The following ABCB9 variants were observed in gnomAD, a reference collection of about 807,000 sequenced individuals.
ABCB9 encodes the protein ATP binding cassette subfamily B member 9, also known as ABC-type oligopeptide transporter ABCB9.
Under a neutral mutation model 62.0 loss-of-function variants are expected in ABCB9, and 36 were observed. The ratio of observed to expected loss-of-function variants is 0.58; its 90% CI spans 0.45 to 0.77. ABCB9 has a LOEUF of 0.77. ABCB9 is among the 30% of genes least tolerant of loss of function. ABCB9 has a pLI of 0.00. For missense variants in ABCB9, 943 were observed against 1,054.7 expected, an observed-to-expected ratio of 0.89 and a Z score of 1.47; for synonymous variants, 435 against 461.4, an observed-to-expected ratio of 0.94 and a Z score of 0.73.
At position 122,942,634 on chromosome 12, in the gene ABCB9, A is replaced by C. The variant is rs963815007; in HGVS notation, c.1381-1639T>G. On this transcript the variant is annotated intron_variant, in intron 7 of 11. Transcript: ENST00000280560. ...ACTCCATCTCAAAAAAAAAAAAAAA[A>C]AAAACCTAAAAAGAAAAACATTAGC... is the stretch of plus-strand genomic sequence containing the variant. Among the ~76,000 whole-genome samples the C allele has an allele frequency of 4.7e-4, 72 of 151,612 alleles. No individual in the cohort carries two copies. The Middle Eastern group carries it at 0.01, about 21-fold the overall frequency.
In ABCB9 at chr12:122,959,309, G is replaced by A. The variant is rs1400947169; in HGVS notation, c.601+326C>T. Among the ~76,000 whole-genome samples, 1 of 151,896 alleles carries A rather than the reference G, an allele frequency of 6.6e-6. No individual in the cohort carries two copies. The highest frequency in any genetic ancestry group is 2.4e-5 in the African/African-American group (1 of 41,414). ...AGAGGTTGCAGTGACCTGAGATTGT[G>A]CCACTGCACTCTAGCCTAGGTGACA... On this transcript the variant is annotated intron_variant, in intron 2 of 11. Transcript: ENST00000280560. The surrounding 1 kb of genome is among the most constrained non-coding windows in gnomAD (Gnocchi z 5.4).
At chr12:122,924,846 A>G, downstream of ABCB9, 2 of 1,533,090 alleles carry the variant, frequency 1.3e-6, no homozygotes, top group South Asian at 1.2e-5. Context: ...GACATTTGCT[A>G]AATTAATTGT....
Position 122,948,823 on chromosome 12 carries a change from A to G in ABCB9, c.854T>C (p.Leu285Pro), listed in dbSNP as rs1237502779. Residue 285 changes from leucine (L) to proline (P), a missense_variant, in exon 5 of 12, where the codon CTC (leucine) becomes CCC (proline). Leu to Pro is a moderately conservative substitution (Grantham distance 98, BLOSUM62 -3). Coordinates refer to ENST00000280560, the MANE Select transcript of ABCB9 (RefSeq NM_019625.4). ...SFFDENRTGD[L>P]ISRLTSDTTM... Reference sequence around the variant, plus strand: ...GGTGTCCGAGGTCAGGCGGGAGATGAGGTCCCCTGGAACACACGCGGCTCA... The same window carrying G: ...GGTGTCCGAGGTCAGGCGGGAGATGGGGTCCCCTGGAACACACGCGGCTCA... 2 of 1,563,630 alleles carry G rather than the reference A, an allele frequency of 1.3e-6. No homozygotes were observed. The highest frequency in any genetic ancestry group is 1.7e-6 in the Non-Finnish European group (2 of 1,155,066).
At chr12:122,973,605 A>C (rs1426272458) in intron 1 of ABCB9, among the ~76,000 whole-genome samples, 11 of 142,892 alleles carry the variant, frequency 7.7e-5, no homozygotes, top group Admixed American at 1.4e-4. Flanking sequence ...AAAAAAAAAA[A>C]AAAACAAAAA....
At chr12:122,936,251 C>T (rs1399909976) in intron 9 of ABCB9, among the ~76,000 whole-genome samples, 2 of 151,922 alleles carry the variant, frequency 1.3e-5, no homozygotes, top group Non-Finnish European at 2.9e-5. Context: ...AAATTATAAA[C>T]GTGTACCTTC....
At chr12:122,974,854 C>G (rs929564920) in exon 1 of ABCB9, 1 of 166,758 alleles carries the variant, frequency 6.0e-6, no homozygotes, top group Non-Finnish European at 1.3e-5. Context: ...GTCGGACCTC[C>G]GAGCTCTTTA....
intron 2 of ABCB9, chr12:122,952,856 G>A (rs2036430090): frequency 6.6e-6 from 1 of 152,242 alleles, no homozygotes; most frequent in Non-Finnish European, 1.5e-5. Context: ...CCTGGTCCAA[G>A]TCATTAACCT....
At chr12:122,974,249 C>T (rs1329436284) in intron 1 of ABCB9, among the ~76,000 whole-genome samples, 1 of 152,054 alleles carries the variant, frequency 6.6e-6, no homozygotes, top group Non-Finnish European at 1.5e-5. Context: ...GGATCCTTTC[C>T]TAGATAGCAG....
intron 2 of ABCB9, among the ~76,000 whole-genome samples, chr12:122,951,241 T>A (rs556762135): frequency 7.1e-4 from 79 of 112,036 alleles, no homozygotes; most frequent in African/African-American, 2.6e-3. Flanking sequence ...AATATTTTCC[T>A]TTTTTTTTTT....
intron 7 of ABCB9, among the ~76,000 whole-genome samples, chr12:122,942,532 T>C (rs1169032954): frequency 6.8e-6 from 1 of 147,092 alleles, no homozygotes; most frequent in Non-Finnish European, 1.5e-5. Flanking sequence ...GGCAGGAGAA[T>C]AGCTTGAACC....
intron 1 of ABCB9, among the ~76,000 whole-genome samples, chr12:122,974,043 T>C (rs527592160): frequency 6.6e-6 from 1 of 151,332 alleles, no homozygotes; most frequent in Admixed American, 6.6e-5. Flanking sequence ...TCTCAAAAAG[T>C]AAATAAACAA....
Position 122,929,457 on chromosome 12 carries a change from A to C in ABCB9, c.*454T>G. On this transcript the variant is annotated 3_prime_UTR_variant, in exon 12 of 12. Transcript: ENST00000280560. This position sits in a 1 kb window ranked among gnomAD's most constrained non-coding sequence, Gnocchi z 6.0. ...AGGGAAGCCCCTTCTCTGGAGGGGT[A>C]AAGGGGAGAGGCCTAGTCTCTGGAC... is the stretch of plus-strand genomic sequence containing the variant. The C allele has an allele frequency of 2.0e-6, 2 of 988,074 alleles. No homozygotes were observed. Among genetic ancestry groups the C allele is most frequent in the Non-Finnish European group, 2.4e-6 (2 of 831,528 alleles). The allele number at this position is 988,074 out of a possible 1,614,324, so 61.2% of individuals were successfully genotyped here.
exon 1 of ABCB9, chr12:122,975,046 G>A (rs2037366451): frequency 2.2e-6 from 1 of 464,766 alleles, no homozygotes; most frequent in Admixed American, 3.6e-5. Context: ...TGGGAAAACT[G>A]GGAGGCGGAA....
rs937305428 is a variant in ABCB9, at chr12:122,946,407, C to T, written c.1054-185G>A. On this transcript the variant is annotated intron_variant, in intron 5 of 11. Coordinates refer to ENST00000280560, the MANE Select transcript of ABCB9 (RefSeq NM_019625.4). ...TCCCCTTCTGGCTCAATTTGACACA[C>T]TCAGGTAGTCAACTCCAGAGAGGCT... 4.8e-6 allele frequency: 3 copies of T among 624,414 alleles called. No homozygotes were observed. The African/African-American group carries it at 5.5e-5, about 11-fold the overall frequency. 38.7% of individuals were successfully genotyped at this position (624,414 alleles called of 1,614,324 possible). A position where few individuals can be genotyped will look rare whatever the true frequency, so the allele number is the denominator to read the frequency against.
At chr12:122,935,632 A>T (rs934568080) in intron 9 of ABCB9, among the ~76,000 whole-genome samples, 1 of 152,130 alleles carries the variant, frequency 6.6e-6, no homozygotes, top group Non-Finnish European at 1.5e-5. Context: ...AGCCTCCCCT[A>T]ATCAGCAAAC....
In ABCB9 at chr12:122,975,090, G is replaced by A. The variant is rs2037367928; in HGVS notation, c.-463C>T. 2.2e-5 allele frequency: 11 copies of A among 494,836 alleles called. No individual in the cohort carries two copies. In the South Asian group the frequency reaches 3.5e-4, roughly 16 times the overall value. The allele number at this position is 494,836 out of a possible 1,614,324, so 30.7% of individuals were successfully genotyped here. The stretch of plus-strand genomic sequence containing the variant: ...CCGCCGGTCCCAACCCGGCCCAGGA[G>A]CATCTTTCTCCGCAGACCGTTTCCT... On this transcript the variant is annotated 5_prime_UTR_variant, in exon 1 of 12. Transcript: ENST00000392439.
chr12:122,972,591 G>A (rs1360763062), intron 1 of ABCB9, among the ~76,000 whole-genome samples: 2 of 151,800 alleles, frequency 1.3e-5, no homozygotes, highest in Non-Finnish European at 2.9e-5. Flanking sequence ...GCTCACTGCA[G>A]CCTCCGCCTC....
At position 122,930,169 on chromosome 12, in the gene ABCB9, G is replaced by A; in HGVS notation, c.2043C>T (p.Ile681=). ...GCAGGTTGCCATGGATGGCCTGCTG[G>A]ATCTGCGGGGACAGTGGGGGCCTGG... ...SALDAESEYL[I]QQAIHGNLQK... The change falls in exon 12 of 12, where the codon ATC becomes ATT. Residue 681 remains isoleucine, a splice_region_variant and synonymous_variant. Coordinates refer to ENST00000280560, the MANE Select transcript of ABCB9 (RefSeq NM_019625.4). This position sits in a 1 kb window ranked among gnomAD's most constrained non-coding sequence, Gnocchi z 4.9. 2.6e-6 allele frequency: 4 copies of A among 1,544,320 alleles called. No homozygotes were observed. Among genetic ancestry groups the A allele is most frequent in the Non-Finnish European group, 3.5e-6 (4 of 1,142,122 alleles).
chr12:122,962,655 C>A (rs1024116587), intron 1 of ABCB9, among the ~76,000 whole-genome samples: 1 of 152,210 alleles, frequency 6.6e-6, no homozygotes, highest in African/African-American at 2.4e-5. Flanking sequence ...GTGTAGGACC[C>A]CAGCATCTGC....
Sources: gnomAD v4.1 joint callset for allele counts (sites outside exome capture counted in the v4.1 genomes callset) on GRCh38, gnomAD v4.1.1 for gene constraint, Gnocchi (gnomAD v3.1) non-coding constraint, MANE v1.5 for transcripts, NCBI Gene and HGNC (gene_info 2026-07-23, HGNC 2026-07-21) for gene names.